MYBPC3: variants seen among roughly 807,000 people sequenced by gnomAD.
MYBPC3 encodes the protein myosin-binding protein C, cardiac-type.
Under a neutral mutation model 159.3 loss-of-function variants are expected in MYBPC3, and 108 were observed. The observed-to-expected ratio is 0.68, with a 90% CI of 0.58 to 0.80. MYBPC3 has a LOEUF of 0.80. MYBPC3 is among the 30% of genes least tolerant of loss of function. The pLI, the probability that MYBPC3 is intolerant of heterozygous loss-of-function variation, is 0.00. For missense variants in MYBPC3, 1,631 were observed against 1,762.1 expected (o/e 0.93, Z 1.33); for synonymous variants, 730 against 702.0 (o/e 1.04, Z -0.63).
intron 13 of MYBPC3, 76 bp downstream of exon 13, chr11:47,343,416 T>G: frequency 6.6e-7 from 1 of 1,512,758 alleles, no homozygotes; most frequent in Admixed American, 2.0e-5. Flanking sequence ...GAGATACGCA[T>G]GTGGAGAGGG....
chr11:47,341,202 C>CATCACA lies in MYBPC3; in HGVS notation c.1832_1833insTGTGAT (p.Glu611delinsAspValMet). ...CCTCGGGCACAAAGCTGTAGTCAGC[C>CATCACA]TCGTCGGCAGGTGTGACGTCGTCAA... On this transcript the variant is annotated protein_altering_variant, in exon 19 of 35. Coordinates refer to ENST00000545968, the MANE Select transcript of MYBPC3 (RefSeq NM_000256.3). 6.3e-7 allele frequency: 1 copy of CATCACA among 1,596,302 alleles called. No homozygotes were observed. The highest frequency in any genetic ancestry group is 1.1e-5 in the South Asian group (1 of 87,756).
chr11:47,348,622 G>T, intron 5 of MYBPC3, 81 bp from the exon 6 acceptor site: 1 of 1,147,806 alleles, frequency 8.7e-7, no homozygotes, highest in Non-Finnish European at 1.2e-6. Context: ...GAGACTGGGA[G>T]TGGCCGGGCG....
chr11:47,348,461 G>T lies in MYBPC3; in HGVS notation c.735C>A (p.Asp245Glu), dbSNP rs2095896763. 3.1e-6 allele frequency: 5 copies of T among 1,613,404 alleles called. No individual in the cohort carries two copies. The highest frequency in any genetic ancestry group is 4.2e-6 in the Non-Finnish European group (5 of 1,179,616). ...GATTGAAGTTGGAGCAGTCAAATTT[G>T]TCCTTGGTGGACACCTCACAGCGGT... ...GSYRCEVSTK[D>E]KFDCSNFNLT... Residue 245 changes from aspartate to glutamate, a missense_variant, in exon 6 of 35, where the codon GAC becomes GAA. Coordinates refer to ENST00000545968, the MANE Select transcript of MYBPC3 (RefSeq NM_000256.3).
rs771832243 is a variant in MYBPC3 at position 47,343,046 on chromosome 11, C to T, written c.1326G>A (p.Lys442=). The change falls in exon 15 of 35, where the codon AAG becomes AAA. Residue 442 remains lysine (K), a synonymous_variant. Transcript: ENST00000545968. ...AAYQCVVGGE[K]CSTELFVKEP... ...CTTTCACAAAGAGCTCCGTGCTACA[C>T]TTCTCGCCACCCACCACGCACTGGT... 8 of 1,613,244 alleles carry T rather than the reference C, an allele frequency of 5.0e-6. No individual in the cohort carries two copies. The highest frequency in any genetic ancestry group is 6.8e-6 in the Non-Finnish European group (8 of 1,179,694).
intron 3 of MYBPC3, 71 bp downstream of exon 3, chr11:47,350,431 A>G: frequency 3.3e-6 from 5 of 1,525,300 alleles, no homozygotes; most frequent in Non-Finnish European, 4.4e-6. Context: ...TGGCCCAGCA[A>G]AGGCTTTTGA....
intron 5 of MYBPC3, among the ~76,000 whole-genome samples, chr11:47,348,908 T>TTATATATACATACATATATATA (rs1555123224): frequency 2.5e-5 from 1 of 39,884 alleles, no homozygotes; most frequent in African/African-American, 7.6e-5. Flanking sequence ...CTGTCTCAAA[T>TTATATATACATACATATATATA]TATATATATA....
Position 47,338,085 on chromosome 11 carries a change from CCT to C in MYBPC3, c.2309-293_2309-292del, listed in dbSNP as rs778239328. 4.5e-4 allele frequency among the ~76,000 whole-genome samples: 69 copies of C among 151,834 alleles called. No individual in the cohort carries two copies. Among genetic ancestry groups the C allele is most frequent in the Non-Finnish European group, 8.5e-4 (58 of 67,976 alleles). ...AGGCTTCTCACTGCCCATATTCACC[CCT>C]GTCCTGGCTCTGATCCTCCCAACCC... On this transcript the variant is annotated intron_variant, in intron 23 of 34. Coordinates refer to ENST00000545968, the MANE Select transcript of MYBPC3 (RefSeq NM_000256.3). The surrounding 1 kb of genome is among the most constrained non-coding windows in gnomAD (Gnocchi z 4.7).
chr11:47,340,811 A>C (rs937189653), intron 20 of MYBPC3, among the ~76,000 whole-genome samples, 192 bp downstream of exon 20: 1 of 152,244 alleles, frequency 6.6e-6, no homozygotes, highest in Non-Finnish European at 1.5e-5. Context: ...CAGGGTTCCC[A>C]TTTTAGAGAA....
chr11:47,351,635 G>T lies in MYBPC3; in HGVS notation c.26-130C>A. 1 of 1,106,600 alleles carries T rather than the reference G, an allele frequency of 9.0e-7. No homozygotes were observed. 68.5% of individuals were successfully genotyped at this position (1,106,600 alleles called of 1,614,324 possible). The stretch of plus-strand genomic sequence containing the variant: ...TCACGTAATACTCTACCAGTTCTCT[G>T]AGGTAGTTGCAGTTATTCTGTTCAT... On this transcript the variant is annotated intron_variant, in intron 1 of 34. Coordinates refer to ENST00000545968, the MANE Select transcript of MYBPC3 (RefSeq NM_000256.3). The surrounding 1 kb of genome is among the most constrained non-coding windows in gnomAD (Gnocchi z 4.2).
chr11:47,350,060 G>A lies in MYBPC3; in HGVS notation c.459C>T (p.Pro153=). 6.4e-7 allele frequency: 1 copy of A among 1,563,368 alleles called. No homozygotes were observed. The highest frequency in any genetic ancestry group is 8.7e-7 in the Non-Finnish European group (1 of 1,153,518). The change falls in exon 4 of 35, where the codon CCC becomes CCT. Residue 153 remains proline (P), a synonymous_variant. Coordinates refer to ENST00000545968, the MANE Select transcript of MYBPC3 (RefSeq NM_000256.3). ...NGPTPGAPDD[P]IGLFVMRPQD... is the part of the protein sequence containing the mutation. ...GTGGCCGCATCACGAAGAGGCCAATGGGGTCATCGGGGGCTCCAGGGGTAG... is the reference window on the plus strand; with the variant it reads ...GTGGCCGCATCACGAAGAGGCCAATAGGGTCATCGGGGGCTCCAGGGGTAG...
At chr11:47,334,358 A>G (rs2095880273) in intron 27 of MYBPC3, among the ~76,000 whole-genome samples, 1 of 152,196 alleles carries the variant, frequency 6.6e-6, no homozygotes, top group Non-Finnish European at 1.5e-5. Flanking sequence ...CAGCTTTGAG[A>G]ACCAATCCTT....
intron 5 of MYBPC3, among the ~76,000 whole-genome samples, chr11:47,348,766 A>T (rs867009710): frequency 2.7e-5 from 4 of 150,818 alleles, no homozygotes; most frequent in Non-Finnish European, 5.9e-5. Flanking sequence ...TTAGCCAAGT[A>T]TGGTGGTGCA....
rs730880648 is a variant in MYBPC3, at chr11:47,341,228, TG to T, written c.1806del (p.Ile603LeufsTer60). ...VSHIGRVHKLTIDDVTPADEA... is the reference protein window; with the variant it reads ...VSHIGRVHKLXIDDVTPADEA... ...TCGTCGGCAGGTGTGACGTCGTCAA[TG>T]GTCAGTTTGTGGACCCTGCAGGGGA... On this transcript the variant is annotated frameshift_variant, in exon 19 of 35. Coordinates refer to ENST00000545968, the MANE Select transcript of MYBPC3 (RefSeq NM_000256.3). LOFTEE classifies it high-confidence loss of function. 1 of 1,590,732 alleles carries T rather than the reference TG, an allele frequency of 6.3e-7. No individual in the cohort carries two copies. Among genetic ancestry groups the T allele is most frequent in the Non-Finnish European group, 8.6e-7 (1 of 1,168,790 alleles).
Position 47,346,721 on chromosome 11 carries a change from C to A in MYBPC3, c.909-77G>T. 1 of 1,433,806 alleles carries A rather than the reference C, an allele frequency of 7.0e-7. No homozygotes were observed. The allele number at this position is 1,433,806 out of a possible 1,614,324, so 88.8% of individuals were successfully genotyped here. ...GGCCACCTTCCCTCAAAGACCTGGACCCCACCCATGGGCCTTTACTTCCTC... is the reference window on the plus strand; with the variant it reads ...GGCCACCTTCCCTCAAAGACCTGGAACCCACCCATGGGCCTTTACTTCCTC... On this transcript the variant is annotated intron_variant, in intron 10 of 34. Transcript: ENST00000545968. This position sits in a 1 kb window ranked among gnomAD's most constrained non-coding sequence, Gnocchi z 5.3.
chr11:47,352,179 C>T (rs75335565), intron 1 of MYBPC3, among the ~76,000 whole-genome samples: 110 of 152,256 alleles, frequency 7.2e-4, no homozygotes, highest in African/African-American at 2.6e-3. Context: ...AACCCAATGC[C>T]ACCACCACCC....
Position 47,336,017 on chromosome 11 carries a change from C to T in MYBPC3, c.2603-6G>A. ...GGTGGGTTCGCTGGGGGGACCTGGG[C>T]AGAGGAGAGGTCAGAGAGGGGTCTG... On this transcript the variant is annotated splice_polypyrimidine_tract_variant and splice_region_variant and intron_variant, in intron 25 of 34. Transcript: ENST00000545968. 1 of 1,506,498 alleles carries T rather than the reference C, an allele frequency of 6.6e-7. No homozygotes were observed. The highest frequency in any genetic ancestry group is 8.9e-7 in the Non-Finnish European group (1 of 1,125,178). The allele number at this position is 1,506,498 out of a possible 1,614,324, so 93.3% of individuals were successfully genotyped here.
Position 47,342,162 on chromosome 11 carries a change from G to A in MYBPC3, c.1625-6C>T, listed in dbSNP as rs1381594370. The A allele has an allele frequency of 1.2e-6, 2 of 1,613,630 alleles. No homozygotes were observed. The highest frequency in any genetic ancestry group is 2.2e-5 in the East Asian group (1 of 44,892). On this transcript the variant is annotated splice_region_variant and splice_polypyrimidine_tract_variant and intron_variant, in intron 17 of 34. Coordinates refer to ENST00000545968, the MANE Select transcript of MYBPC3 (RefSeq NM_000256.3). Reference sequence around the variant, plus strand: ...GTACACCTCCAGCTTCTTTTCTGCAGGGCAGGGCAGAGCCATTGAGCTCGG... The same window carrying A: ...GTACACCTCCAGCTTCTTTTCTGCAAGGCAGGGCAGAGCCATTGAGCTCGG...
chr11:47,343,299 G>A (rs375949882), intron 13 of MYBPC3, 37 bp from the exon 14 acceptor site: 59 of 1,533,306 alleles, frequency 3.8e-5, no homozygotes, highest in Non-Finnish European at 4.5e-5. Flanking sequence ...TGTTCCCGAC[G>A]GGAGGAAGTG....
chr11:47,335,351 G>T, intron 26 of MYBPC3, 142 bp from the exon 27 acceptor site: 1 of 783,496 alleles, frequency 1.3e-6, no homozygotes, highest in Non-Finnish European at 1.8e-6. Context: ...TTTTGAGATG[G>T]AGTTTCGCTC....
Sources: gnomAD v4.1 joint callset for allele counts (sites outside exome capture counted in the v4.1 genomes callset) on GRCh38, gnomAD v4.1.1 for gene constraint, Gnocchi (gnomAD v3.1) non-coding constraint, MANE v1.5 for transcripts, NCBI Gene and HGNC (gene_info 2026-07-23, HGNC 2026-07-21) for gene names.